The following ITGA8 variants were observed in gnomAD, a reference collection of about 807,000 sequenced individuals.
ITGA8 encodes integrin subunit alpha 8, also known as integrin alpha-8.
Under a neutral mutation model 142.3 loss-of-function variants are expected in ITGA8, and 91 were observed. The observed-to-expected ratio is 0.64, with a 90% CI of 0.54 to 0.76. ITGA8 has a LOEUF of 0.76. Ranked by LOEUF, ITGA8 falls within the 30% of genes least tolerant of loss-of-function variation. The pLI, the probability that ITGA8 is intolerant of heterozygous loss-of-function variation, is 0.00. For missense variants in ITGA8, 1,406 were observed against 1,327.7 expected (o/e 1.06, Z -0.92); for synonymous variants, 505 against 485.2 (o/e 1.04, Z -0.54).
intron 23 of ITGA8, among the ~76,000 whole-genome samples, chr10:15,579,189 A>G (rs1834357192): frequency 6.6e-6 from 1 of 152,118 alleles, no homozygotes; most frequent in Non-Finnish European, 1.5e-5. Context: ...GAGTTTTACT[A>G]TGTAAATGGC....
chr10:15,668,519 A>T (rs909502744), intron 8 of ITGA8, among the ~76,000 whole-genome samples: 2 of 151,766 alleles, frequency 1.3e-5, no homozygotes, highest in African/African-American at 4.8e-5. Context: ...GCCCATTTAC[A>T]TTTAAAGTTA....
chr10:15,718,926 CTT>C (rs746073335), intron 1 of ITGA8, 27 bp from the exon 2 acceptor site: 5 of 1,613,532 alleles, frequency 3.1e-6, no homozygotes, highest in Admixed American at 3.3e-5. Flanking sequence ...GAAAGTCACT[CTT>C]TGGGCGCCAC....
At chr10:15,550,018 A>G (rs182363318) in intron 26 of ITGA8, among the ~76,000 whole-genome samples, 290 of 152,244 alleles carry the variant, frequency 1.9e-3, no homozygotes, top group African/African-American at 6.8e-3. Context: ...TGTAGCTTCC[A>G]TGACTCCCAC....
chr10:15,549,488 G>A (rs1477656769), intron 26 of ITGA8, among the ~76,000 whole-genome samples: 1 of 152,146 alleles, frequency 6.6e-6, no homozygotes, highest in Non-Finnish European at 1.5e-5. Flanking sequence ...TGGGATTACA[G>A]GCATGAACCA....
intron 3 of ITGA8, among the ~76,000 whole-genome samples, chr10:15,684,845 G>C (rs2131704755): frequency 6.6e-6 from 1 of 152,250 alleles, no homozygotes; most frequent in African/African-American, 2.4e-5. Flanking sequence ...TCCTTTCTGT[G>C]TCTAATTATT....
chr10:15,609,795 GC>G (rs1404996067), intron 15 of ITGA8, among the ~76,000 whole-genome samples: 2 of 152,052 alleles, frequency 1.3e-5, no homozygotes, highest in African/African-American at 4.8e-5. Flanking sequence ...AAAGCCATTA[GC>G]TTTTATAAAA....
rs1237740334 is a variant in ITGA8 at position 15,594,551 on chromosome 10, G to A, written c.2212-2247C>T. On this transcript the variant is annotated intron_variant, in intron 21 of 29. Coordinates refer to ENST00000378076, the MANE Select transcript of ITGA8 (RefSeq NM_003638.3). ...TTTAATTCCAGCACTTTGGGAGGCC[G>A]AGGTGGGTGGATCACAAGGTCAGGA... 3.9e-5 allele frequency among the ~76,000 whole-genome samples: 6 copies of A among 152,108 alleles called. No individual in the cohort carries two copies. In the East Asian group the frequency reaches 5.8e-4, roughly 15 times the overall value.
chr10:15,675,550 T>G (rs1012218765), intron 6 of ITGA8, among the ~76,000 whole-genome samples: 3 of 152,246 alleles, frequency 2.0e-5, no homozygotes, highest in African/African-American at 7.2e-5. Context: ...CTTATAAACT[T>G]AAAATTAGTT....
At chr10:15,651,230 G>A (rs1834079660) in intron 11 of ITGA8, among the ~76,000 whole-genome samples, 1 of 152,054 alleles carries the variant, frequency 6.6e-6, no homozygotes, top group African/African-American at 2.4e-5. Flanking sequence ...TTAGGCACGA[G>A]ATGAAAAATA....
intron 6 of ITGA8, among the ~76,000 whole-genome samples, chr10:15,674,531 T>C (rs147131158): frequency 2.0e-5 from 3 of 152,362 alleles, no homozygotes; most frequent in African/African-American, 7.2e-5. Context: ...GCAAAATATA[T>C]AGTTTTTCAG....
chr10:15,536,391 G>T (rs1312412734), intron 27 of ITGA8, among the ~76,000 whole-genome samples: 1 of 152,202 alleles, frequency 6.6e-6, no homozygotes. Flanking sequence ...CAGCATCAAA[G>T]ATACCCAAGT....
chr10:15,592,116 A>G, intron 22 of ITGA8, 109 bp downstream of exon 22: 1 of 647,866 alleles, frequency 1.5e-6, no homozygotes, highest in East Asian at 2.8e-5. Flanking sequence ...TCTGGGTTCT[A>G]ATTTCAGGTG....
chr10:15,575,922 C>T (rs116069711), intron 23 of ITGA8, among the ~76,000 whole-genome samples: 1 of 149,376 alleles, frequency 6.7e-6, no homozygotes, highest in African/African-American at 2.5e-5. Flanking sequence ...ATACATCCAT[C>T]TATTTCACAT....
In ITGA8 at chr10:15,558,117, A is replaced by G. The variant is rs1050276861; in HGVS notation, c.2723T>C (p.Val908Ala). Residue 908 changes from valine (V) to alanine (A), a missense_variant, in exon 26 of 30, where the codon GTA (valine) becomes GCA (alanine). Transcript: ENST00000378076. ...CTGTCTGTGGAATTCGACCACATGT[A>G]CATCCCTCTTCCTGACAAGATGAGG... ...TIPHLVRKRD[V>A]HVVEFHRQSP... 1.4e-5 allele frequency: 22 copies of G among 1,614,094 alleles called. No homozygotes were observed. Among genetic ancestry groups the G allele is most frequent in the Middle Eastern group, 1.6e-4 (1 of 6,062 alleles).
intron 29 of ITGA8, among the ~76,000 whole-genome samples, chr10:15,517,859 A>C (rs1357158400): frequency 6.6e-6 from 1 of 152,358 alleles, no homozygotes; most frequent in Non-Finnish European, 1.5e-5. Flanking sequence ...AGATCACAGC[A>C]ATGTGTCCCA....
At position 15,672,767 on chromosome 10, in the gene ITGA8, A is replaced by T; in HGVS notation, c.677-18T>A. On this transcript the variant is annotated intron_variant, in intron 6 of 29. Transcript: ENST00000378076. The stretch of plus-strand genomic sequence containing the variant: ...CACTTGTCCTGTGTTTAAACAAATT[A>T]ATACGTTAACTGAATGAAAGCAAGA... 1 of 1,581,200 alleles carries T rather than the reference A, an allele frequency of 6.3e-7. No individual in the cohort carries two copies. The highest frequency in any genetic ancestry group is 8.6e-7 in the Non-Finnish European group (1 of 1,164,420).
rs926310516 is a variant in ITGA8, at chr10:15,718,672, G to C, written c.343+94C>G. The C allele has an allele frequency of 1.2e-4, 182 of 1,490,716 alleles. 6 individuals carry two copies. The highest frequency in any genetic ancestry group is 5.8e-4 in the Middle Eastern group (3 of 5,196). The allele number at this position is 1,490,716 out of a possible 1,614,324, so 92.3% of individuals were successfully genotyped here. On this transcript the variant is annotated intron_variant, in intron 2 of 29. Coordinates refer to ENST00000378076, the MANE Select transcript of ITGA8 (RefSeq NM_003638.3). ...TACGGACATATCAGACAAGCTAAAC[G>C]AGCAGCACACCAAGACAGCGGGAAG...
intron 2 of ITGA8, among the ~76,000 whole-genome samples, chr10:15,707,856 G>C (rs370106582): frequency 6.3e-4 from 95 of 150,166 alleles, no homozygotes; most frequent in African/African-American, 2.1e-3. Context: ...AGAAAAAAAA[G>C]ATAATCAGTT....
intron 11 of ITGA8, among the ~76,000 whole-genome samples, chr10:15,651,451 A>G (rs1264011763): frequency 6.6e-6 from 1 of 152,110 alleles, no homozygotes; most frequent in Non-Finnish European, 1.5e-5. Context: ...AGTCCACTCA[A>G]TCGTACTTGG....
Sources: allele counts gnomAD v4.1 joint callset (sites outside exome capture counted in the v4.1 genomes callset), GRCh38; gene constraint gnomAD v4.1.1; transcripts MANE v1.5; gene names NCBI Gene and HGNC (gene_info 2026-07-23, HGNC 2026-07-21).